The following MEP1B variants were observed in gnomAD, a reference collection of about 807,000 sequenced individuals.
MEP1B encodes meprin A subunit beta, also known as N-benzoyl-L-tyrosyl-P-amino-benzoic acid hydrolase subunit beta.
In MEP1B, 80 loss-of-function variants were observed where a neutral mutation model predicts 84.6. That is an observed-to-expected ratio of 0.95 (90% CI 0.79 to 1.14). The LOEUF is 1.14. MEP1B is among the 50% of genes most tolerant of loss of function. MEP1B has a pLI of 0.00. For synonymous variants in MEP1B, 273 were observed against 288.1 expected (o/e 0.95, Z 0.53); for missense variants, 766 against 855.1 (o/e 0.90, Z 1.30).
intron 1 of MEP1B, among the ~76,000 whole-genome samples, chr18:32,191,055 A>G (rs1412010734): frequency 1.3e-5 from 2 of 152,114 alleles, no homozygotes; most frequent in African/African-American, 4.8e-5. Context: ...ATACCCATGC[A>G]AAGCAGGTAC....
Position 32,215,292 on chromosome 18 carries a change from T to A in MEP1B, c.1759+31T>A, listed in dbSNP as rs369978833. Reference sequence around the variant, plus strand: ...TCAATAAAAATAGTTTTATATAAACTAGTTTTTTTTTGTTGTGGCCACTGA... The same window carrying A: ...TCAATAAAAATAGTTTTATATAAACAAGTTTTTTTTTGTTGTGGCCACTGA... On this transcript the variant is annotated intron_variant, in intron 12 of 14. Transcript: ENST00000269202. The A allele has an allele frequency of 2.3e-5, 33 of 1,432,114 alleles. No individual in the cohort carries two copies. The African/African-American group carries it at 4.1e-4, about 18-fold the overall frequency. The allele number at this position is 1,432,114 out of a possible 1,614,324, so 88.7% of individuals were successfully genotyped here.
chr18:32,200,394 C>G (rs1346996644), intron 5 of MEP1B, among the ~76,000 whole-genome samples: 2 of 151,984 alleles, frequency 1.3e-5, no homozygotes, highest in African/African-American at 2.4e-5. Context: ...TTTTATAGAA[C>G]AATTTTTTTC....
chr18:32,215,370 T>A (rs1367063846), intron 12 of MEP1B, 109 bp downstream of exon 12: 1 of 601,926 alleles, frequency 1.7e-6, no homozygotes, highest in Non-Finnish European at 2.7e-6. Context: ...TATATAGAGA[T>A]GTGGGGGGAA....
intron 9 of MEP1B, 131 bp downstream of exon 9, chr18:32,208,402 G>A: frequency 1.1e-6 from 1 of 925,772 alleles, no homozygotes. Context: ...TTACTACTGA[G>A]AAGTAGGCCT....
chr18:32,195,573 C>A, intron 5 of MEP1B, 88 bp downstream of exon 5: 1 of 839,970 alleles, frequency 1.2e-6, no homozygotes, highest in Non-Finnish European at 1.8e-6. Context: ...CTTATATAGT[C>A]TTTAAGGTTT....
chr18:32,220,061 C>G (rs946490581), intron 14 of MEP1B, among the ~76,000 whole-genome samples, 170 bp from the exon 15 acceptor site: 1 of 152,098 alleles, frequency 6.6e-6, no homozygotes, highest in African/African-American at 2.4e-5. Flanking sequence ...GCCCGAAAAG[C>G]CAGGGCTCGA....
rs762667577 is a variant in MEP1B at position 32,204,319 on chromosome 18, G to A, written c.506G>A (p.Arg169Gln). Reference protein sequence around the residue: ...GFWHEQSRSDRDDYVRIMWDR... With the variant: ...GFWHEQSRSDQDDYVRIMWDR... ...TGGCATGAGCAGTCGCGTTCTGACC[G>A]GGATGACTATGTCAGGATAATGTGG... The change falls in exon 7 of 15, where the codon CGG becomes CAG. Residue 169 changes from arginine (R) to glutamine (Q), a missense_variant. Transcript: ENST00000269202. 7.5e-6 allele frequency: 12 copies of A among 1,601,756 alleles called. No homozygotes were observed. The highest frequency in any genetic ancestry group is 3.4e-5 in the Admixed American group (2 of 58,322).
intron 14 of MEP1B, among the ~76,000 whole-genome samples, chr18:32,218,311 G>A (rs989319962): frequency 6.6e-6 from 1 of 152,158 alleles, no homozygotes; most frequent in African/African-American, 2.4e-5. Flanking sequence ...GAGGTGGCCT[G>A]CAAGTGTTTT....
At position 32,217,793 on chromosome 18, in the gene MEP1B, GA is replaced by G. The variant is rs1568274621; in HGVS notation, c.1920del (p.Glu641LysfsTer13). Reference sequence around the variant, plus strand: ...TCAGGGGAAGACTGGTGGTACATGGGAGAAAGGTGTGAAAAGAGAGGCTCCA... The same window carrying G: ...TCAGGGGAAGACTGGTGGTACATGGGGAAAGGTGTGAAAAGAGAGGCTCCA... ...CQSGEDWWYM[G>X]ERCEKRGSTR... is the part of the protein sequence containing the mutation. On this transcript the variant is annotated frameshift_variant, in exon 14 of 15. Coordinates refer to ENST00000269202, the MANE Select transcript of MEP1B (RefSeq NM_005925.3). LOFTEE classifies it high-confidence loss of function. The G allele has an allele frequency of 6.2e-7, 1 of 1,613,822 alleles. No individual in the cohort carries two copies. Among genetic ancestry groups the G allele is most frequent in the Admixed American group, 1.7e-5 (1 of 60,006 alleles).
chr18:32,217,145 C>T (rs1453498219), intron 13 of MEP1B, 28 bp downstream of exon 13: 1 of 1,605,158 alleles, frequency 6.2e-7, no homozygotes, highest in South Asian at 1.1e-5. Flanking sequence ...GAGATCTCTC[C>T]ATTCTTTGGT....
rs2041097872 is a variant in MEP1B at position 32,217,063 on chromosome 18, C to A, written c.1832C>A (p.Thr611Asn). 6.2e-7 allele frequency: 1 copy of A among 1,613,972 alleles called. No individual in the cohort carries two copies. ...APSVQDLCSK[T>N]TCKNDGVCTV... ...AGTGTTCAAGACCTCTGCTCAAAAACCACCTGTAAAAATGACGGTGTCTGC... is the reference window on the plus strand; with the variant it reads ...AGTGTTCAAGACCTCTGCTCAAAAAACACCTGTAAAAATGACGGTGTCTGC... Residue 611 changes from threonine (T) to asparagine (N), a missense_variant, in exon 13 of 15, where the codon ACC becomes AAC. Physicochemically the swap from Thr to Asn is moderately conservative, Grantham distance 65. Transcript: ENST00000269202.
intron 7 of MEP1B, among the ~76,000 whole-genome samples, chr18:32,205,367 T>C (rs943432643): frequency 2.6e-5 from 4 of 152,232 alleles, no homozygotes; most frequent in African/African-American, 9.6e-5. Context: ...CTGTCCTGCC[T>C]GTGTGGGGCG....
intron 14 of MEP1B, among the ~76,000 whole-genome samples, chr18:32,218,202 T>C (rs1185867397): frequency 6.6e-6 from 1 of 152,092 alleles, no homozygotes; most frequent in East Asian, 1.9e-4. Context: ...TTGTGTACAG[T>C]TGTGTGTGTG....
chr18:32,217,429 C>T (rs929056774), intron 13 of MEP1B, among the ~76,000 whole-genome samples: 1 of 152,140 alleles, frequency 6.6e-6, no homozygotes, highest in Admixed American at 6.6e-5. Context: ...TACTGACGTT[C>T]TGAGGAGCCC....
At position 32,190,271 on chromosome 18, in the gene MEP1B, G is replaced by GA; in HGVS notation, c.63+139dup. The GA allele has an allele frequency of 9.0e-6, 6 of 666,792 alleles. No homozygotes were observed. In the South Asian group the frequency reaches 1.2e-4, roughly 13 times the overall value. 41.3% of individuals were successfully genotyped at this position (666,792 alleles called of 1,614,324 possible). On this transcript the variant is annotated intron_variant, in intron 1 of 14. Transcript: ENST00000269202. ...TCTCAAATGAGTGTTTCTTCTTGGA[G>GA]ATTAGGGGTGGGCAGTGTGTAGGGA...
At chr18:32,205,579 A>C (rs1026409790) in intron 7 of MEP1B, among the ~76,000 whole-genome samples, 1 of 151,814 alleles carries the variant, frequency 6.6e-6, no homozygotes, top group Admixed American at 6.6e-5. Flanking sequence ...CCACAGCCAC[A>C]CTCCTTAGGA....
chr18:32,216,635 T>C (rs2041092266), intron 12 of MEP1B, among the ~76,000 whole-genome samples: 3 of 152,144 alleles, frequency 2.0e-5, no homozygotes, highest in Admixed American at 6.5e-5. Flanking sequence ...GCTGGCCTAG[T>C]TTCCCTTTGC....
chr18:32,213,107 C>G lies in MEP1B; in HGVS notation c.1136-9C>G, dbSNP rs199858802. The stretch of plus-strand genomic sequence containing the variant: ...CTTTGTCTTTGAAATAATAATGACT[C>G]TTTTGCAGAAATACCCACTGGGAGC... On this transcript the variant is annotated splice_polypyrimidine_tract_variant and intron_variant, in intron 10 of 14. Transcript: ENST00000269202. 4.1e-5 allele frequency: 66 copies of G among 1,609,900 alleles called. No individual in the cohort carries two copies. The African/African-American group carries it at 6.9e-4, about 17-fold the overall frequency.
intron 4 of MEP1B, among the ~76,000 whole-genome samples, chr18:32,193,161 C>A (rs893593651): frequency 1.3e-5 from 2 of 152,114 alleles, no homozygotes; most frequent in African/African-American, 4.8e-5. Flanking sequence ...CAAAATTAAA[C>A]TGAATTTGTA....
Sources: allele counts gnomAD v4.1 joint callset (sites outside exome capture counted in the v4.1 genomes callset), GRCh38; gene constraint gnomAD v4.1.1; transcripts MANE v1.5; gene names NCBI Gene and HGNC (gene_info 2026-07-23, HGNC 2026-07-21).